The following TRIM14 variants were observed in gnomAD, a reference collection of about 807,000 sequenced individuals.
TRIM14 encodes the protein tripartite motif containing 14.
A neutral mutation model predicts 44.5 loss-of-function variants in TRIM14; 28 were observed. The observed-to-expected ratio is 0.63, with a 90% confidence interval of 0.47 to 0.86. The LOEUF (loss-of-function observed/expected upper bound fraction) is 0.86. Among genes scored for constraint, TRIM14 ranks in the 40% least tolerant of loss-of-function variants. TRIM14 has a pLI of 0.00. For synonymous variants in TRIM14, 299 were observed against 269.2 expected, an observed-to-expected ratio of 1.11 and a Z score of -1.08; for missense variants, 607 against 611.1, an observed-to-expected ratio of 0.99 and a Z score of 0.07.
downstream of TRIM14, among the ~76,000 whole-genome samples, chr9:98,082,495 A>G (rs919738324): frequency 2.0e-5 from 3 of 152,216 alleles, no homozygotes; most frequent in African/African-American, 2.4e-5. Flanking sequence ...ACATTCTGTA[A>G]TATCACCAAT....
At chr9:98,051,735 C>G in the TRIM14 span, among the ~76,000 whole-genome samples, 1 of 152,056 alleles carries the variant, frequency 6.6e-6, no homozygotes, top group Non-Finnish European at 1.5e-5. Context: ...AATGAAGGGT[C>G]CCATTTTTAT....
the TRIM14 span, among the ~76,000 whole-genome samples, chr9:98,062,384 C>T: frequency 3.3e-5 from 5 of 151,954 alleles, no homozygotes; most frequent in African/African-American, 4.8e-5. Flanking sequence ...GAGTACAGCT[C>T]GTGCCAGGTC....
At chr9:98,056,695 G>T in the TRIM14 span, 4 of 1,439,166 alleles carry the variant, frequency 2.8e-6, no homozygotes, top group South Asian at 1.3e-5. Context: ...GCGGGCTGAC[G>T]TGGCGGGGCT....
At chr9:98,050,732 T>G in the TRIM14 span, among the ~76,000 whole-genome samples, 2 of 152,156 alleles carry the variant, frequency 1.3e-5, no homozygotes, top group Non-Finnish European at 2.9e-5. Context: ...ATTTTGGGTT[T>G]CTGGTCTCAG....
intron 2 of TRIM14, among the ~76,000 whole-genome samples, chr9:98,101,166 A>T (rs1303142466): frequency 6.6e-6 from 1 of 151,810 alleles, no homozygotes; most frequent in African/African-American, 2.4e-5. Context: ...GTAGAGACGG[A>T]GTTTCACCAT....
chr9:98,061,063 A>G, the TRIM14 span: 3 of 1,528,340 alleles, frequency 2.0e-6, no homozygotes, highest in East Asian at 2.3e-5. Flanking sequence ...CAGCCTGGTG[A>G]CTTCCGGCTT....
chr9:98,058,023 A>G, the TRIM14 span, among the ~76,000 whole-genome samples: 1 of 143,648 alleles, frequency 7.0e-6, no homozygotes, highest in Non-Finnish European at 1.5e-5. Context: ...CCCAGGCTTA[A>G]GTGATTCTCC....
At chr9:98,064,857 G>A (rs550628110), downstream of TRIM14, among the ~76,000 whole-genome samples, 4 of 152,320 alleles carry the variant, frequency 2.6e-5, no homozygotes, top group African/African-American at 7.2e-5. Context: ...CATGCACCAC[G>A]CTCGGTACCA....
At chr9:98,073,261 T>A in intron 6 of TRIM14, among the ~76,000 whole-genome samples, 1 of 128,914 alleles carries the variant, frequency 7.8e-6, no homozygotes, top group Non-Finnish European at 1.6e-5. Context: ...CCCCAGCTCA[T>A]CACCATGGGC....
chr9:98,054,905 G>A, the TRIM14 span, among the ~76,000 whole-genome samples: 2 of 152,204 alleles, frequency 1.3e-5, no homozygotes, highest in African/African-American at 4.8e-5. Flanking sequence ...ATCAAAATAG[G>A]GGAATTGCAA....
At chr9:98,097,347 T>A (rs1441145992) in intron 3 of TRIM14, among the ~76,000 whole-genome samples, 1 of 152,102 alleles carries the variant, frequency 6.6e-6, no homozygotes, top group Non-Finnish European at 1.5e-5. Flanking sequence ...TCTCCTCAAG[T>A]CAGGCTGCAC....
At chr9:98,041,269 AAACTT>A in the TRIM14 span, among the ~76,000 whole-genome samples, 15 of 152,328 alleles carry the variant, frequency 9.8e-5, 1 homozygote, top group East Asian at 1.2e-3. Context: ...AGGAAAAAAA[AAACTT>A]AAGAACAACT....
the TRIM14 span, chr9:98,056,711 GT>G: frequency 6.8e-7 from 1 of 1,477,174 alleles, no homozygotes; most frequent in Non-Finnish European, 9.0e-7. Flanking sequence ...GGGCTGGCGT[GT>G]GGGTCTCGCA....
At chr9:98,081,652 C>T (rs1829868415), downstream of TRIM14, 1 of 152,614 alleles carries the variant, frequency 6.6e-6, no homozygotes, top group Non-Finnish European at 1.5e-5. Flanking sequence ...ACTATCAGGG[C>T]TTCCTGGAAG....
chr9:98,090,926 T>G (rs1825971663), intron 5 of TRIM14, among the ~76,000 whole-genome samples: 1 of 152,316 alleles, frequency 6.6e-6, no homozygotes, highest in South Asian at 2.1e-4. Flanking sequence ...TCTGTTTTGA[T>G]ATTCACTGTC....
chr9:98,070,541 C>T (rs1211982245), intron 6 of TRIM14, among the ~76,000 whole-genome samples: 1 of 152,114 alleles, frequency 6.6e-6, no homozygotes, highest in Non-Finnish European at 1.5e-5. Flanking sequence ...GTGCCTCAGC[C>T]TCCTGAGTAG....
At chr9:98,052,058 C>T in the TRIM14 span, among the ~76,000 whole-genome samples, 4 of 152,150 alleles carry the variant, frequency 2.6e-5, no homozygotes, top group African/African-American at 9.7e-5. Context: ...TAAAAGCTCT[C>T]TCACAATGCA....
chr9:98,114,500 A>C, intron 1 of TRIM14, among the ~76,000 whole-genome samples: 1 of 151,888 alleles, frequency 6.6e-6, no homozygotes, highest in East Asian at 1.9e-4. Flanking sequence ...CGCCTGGCTA[A>C]TTTTTTTGTA....
At chr9:98,051,499 C>G in the TRIM14 span, among the ~76,000 whole-genome samples, 3 of 148,698 alleles carry the variant, frequency 2.0e-5, no homozygotes, top group Admixed American at 6.6e-5. Flanking sequence ...GTTGTGGAAC[C>G]ATAGACTTTA....
Sources: gnomAD v4.1 joint callset for allele counts (sites outside exome capture counted in the v4.1 genomes callset) on GRCh38, gnomAD v4.1.1 for gene constraint, MANE v1.5 for transcripts, NCBI Gene and HGNC (gene_info 2026-07-23, HGNC 2026-07-21) for gene names.